RPH3AL: variants seen among roughly 807,000 people sequenced by gnomAD.
RPH3AL encodes rabphilin 3A like (without C2 domains).
RPH3AL carries 38 observed loss-of-function variants against 43.1 expected under a neutral mutation model. The observed-to-expected ratio is 0.88, with a 90% CI of 0.68 to 1.15. RPH3AL has a LOEUF of 1.15. RPH3AL is among the 50% of genes most tolerant of loss of function. The pLI, the probability that RPH3AL is intolerant of heterozygous loss-of-function variation, is 0.00. For synonymous variants in RPH3AL, 189 were observed against 176.3 expected (o/e 1.07, Z -0.57); for missense variants, 462 against 423.2 (o/e 1.09, Z -0.81).
intron 5 of RPH3AL, among the ~76,000 whole-genome samples, chr17:294,268 C>T (rs1227391141): frequency 6.8e-6 from 1 of 147,392 alleles, no homozygotes; most frequent in Non-Finnish European, 1.5e-5. Context: ...TCAAGACCAG[C>T]CTGGGCAACA....
chr17:282,057 C>T (rs936777881), intron 5 of RPH3AL, among the ~76,000 whole-genome samples: 1 of 152,156 alleles, frequency 6.6e-6, no homozygotes, highest in East Asian at 1.9e-4. Context: ...GCCCCATCCA[C>T]GGAACCCCCA....
Position 283,249 on chromosome 17 carries a change from G to A in RPH3AL, c.352-1395C>T, listed in dbSNP as rs1031879687. ...TCAGCAAGGAGCACGTCTCTCCATGGAGAGGGAAAATGTCACCAACTTGGC... is the reference window on the plus strand; with the variant it reads ...TCAGCAAGGAGCACGTCTCTCCATGAAGAGGGAAAATGTCACCAACTTGGC... On this transcript the variant is annotated intron_variant, in intron 5 of 9. Coordinates refer to ENST00000331302, the MANE Select transcript of RPH3AL (RefSeq NM_006987.4). The surrounding 1 kb of genome is among the most constrained non-coding windows in gnomAD (Gnocchi z 4.2). 6.6e-6 allele frequency among the ~76,000 whole-genome samples: 1 copy of A among 152,188 alleles called. No individual in the cohort carries two copies. Among genetic ancestry groups the A allele is most frequent in the Non-Finnish European group, 1.5e-5 (1 of 68,038 alleles).
chr17:253,041 G>T (rs1555543197), intron 6 of RPH3AL, among the ~76,000 whole-genome samples: 1 of 152,178 alleles, frequency 6.6e-6, no homozygotes, highest in East Asian at 1.9e-4. Context: ...TTTGGGGTGG[G>T]GACCTCGGCT....
chr17:277,293 T>C (rs1303508267), intron 6 of RPH3AL, among the ~76,000 whole-genome samples: 1 of 152,214 alleles, frequency 6.6e-6, no homozygotes, highest in Non-Finnish European at 1.5e-5. Context: ...GAAAAATGGT[T>C]GGAATATACT....
At chr17:350,288 C>T (rs2045327381) in intron 1 of RPH3AL, among the ~76,000 whole-genome samples, 1 of 152,108 alleles carries the variant, frequency 6.6e-6, no homozygotes, top group Admixed American at 6.5e-5. Flanking sequence ...ACCAGCCTGG[C>T]CAACATAGTT....
At chr17:331,883 T>A in intron 2 of RPH3AL, 1 of 1,288,652 alleles carries the variant, frequency 7.8e-7, no homozygotes, top group Non-Finnish European at 1.0e-6. Flanking sequence ...CCATTTGTCC[T>A]GGACAAAAAT....
intron 6 of RPH3AL, among the ~76,000 whole-genome samples, chr17:268,069 TA>T (rs1425112149): frequency 3.3e-5 from 5 of 152,148 alleles, no homozygotes; most frequent in Admixed American, 2.6e-4. Flanking sequence ...TTTTCTAGTT[TA>T]AAAAAACCTT....
chr17:325,669 A>G (rs1221306226), intron 3 of RPH3AL, among the ~76,000 whole-genome samples: 1 of 152,194 alleles, frequency 6.6e-6, no homozygotes, highest in African/African-American at 2.4e-5. Flanking sequence ...TACCTGGGTA[A>G]CTATTCAAAT....
Position 289,339 on chromosome 17 carries a change from A to G in RPH3AL, c.352-7485T>C, listed in dbSNP as rs562852739. Among the ~76,000 whole-genome samples, 1 of 152,250 alleles carries G rather than the reference A, an allele frequency of 6.6e-6. No individual in the cohort carries two copies. The highest frequency in any genetic ancestry group is 6.5e-5 in the Admixed American group (1 of 15,300). On this transcript the variant is annotated intron_variant, in intron 5 of 9. Coordinates refer to ENST00000331302, the MANE Select transcript of RPH3AL (RefSeq NM_006987.4). The surrounding 1 kb of genome is among the most constrained non-coding windows in gnomAD (Gnocchi z 5.2). ...TCACACAAGCCACAACCCAGCACTC[A>G]TCCTGGGCCCCCATCGTCCCTCCTT...
chr17:262,259 C>G (rs1370204229), intron 6 of RPH3AL, among the ~76,000 whole-genome samples: 1 of 152,096 alleles, frequency 6.6e-6, no homozygotes, highest in African/African-American at 2.4e-5. Context: ...CGCTCTGTCA[C>G]CCAGGCTGGA....
At chr17:299,392 G>C (rs943139760) in intron 5 of RPH3AL, among the ~76,000 whole-genome samples, 29 of 151,990 alleles carry the variant, frequency 1.9e-4, no homozygotes, top group Admixed American at 2.0e-4. Context: ...GGTAAGAGGA[G>C]AGTCTGGAAG....
At chr17:272,502 A>G (rs951185569) in intron 6 of RPH3AL, among the ~76,000 whole-genome samples, 1 of 150,192 alleles carries the variant, frequency 6.7e-6, no homozygotes. Context: ...AACTATCGCA[A>G]GGACAGAAAA....
At chr17:220,130 C>T (rs1451806748) in intron 7 of RPH3AL, among the ~76,000 whole-genome samples, 1 of 152,130 alleles carries the variant, frequency 6.6e-6, no homozygotes, top group African/African-American at 2.4e-5. Context: ...AGACAATAGA[C>T]CCAAGAACAA....
At chr17:352,236 A>G (rs1357785808) in intron 1 of RPH3AL, among the ~76,000 whole-genome samples, 1 of 152,106 alleles carries the variant, frequency 6.6e-6, no homozygotes, top group Non-Finnish European at 1.5e-5. Flanking sequence ...ACGCAATACA[A>G]ACAGCTCTCC....
At chr17:219,843 A>C in intron 7 of RPH3AL, 107 bp from the exon 8 acceptor site, 1 of 766,932 alleles carries the variant, frequency 1.3e-6, no homozygotes, top group Non-Finnish European at 2.3e-6. Context: ...CACGTGGCGT[A>C]GCAGCTCAGC....
chr17:302,476 G>C (rs2043352889), intron 5 of RPH3AL, among the ~76,000 whole-genome samples: 1 of 152,244 alleles, frequency 6.6e-6, no homozygotes, highest in Non-Finnish European at 1.5e-5. Context: ...GACGTGGGCA[G>C]GTGTGTCTGT....
rs537305864 is a variant in RPH3AL at position 333,043 on chromosome 17, C to T, written c.-37+716G>A. The T allele has an allele frequency of 1.0e-5, 13 of 1,289,166 alleles. No homozygotes were observed. Among genetic ancestry groups the T allele is most frequent in the South Asian group, 2.5e-5 (2 of 81,022 alleles). The allele number at this position is 1,289,166 out of a possible 1,614,324, so 79.9% of individuals were successfully genotyped here. A position where few individuals can be genotyped will look rare whatever the true frequency, so the allele number is the denominator to read the frequency against. On this transcript the variant is annotated intron_variant, in intron 2 of 9. Transcript: ENST00000331302. The surrounding 1 kb of genome is among the most constrained non-coding windows in gnomAD (Gnocchi z 4.5). ...TCCTGAGACAGATCGGTAAAAACAA[C>T]CCCTTCTTCCAGGAGGATGCAATTC...
rs568315677 is a variant in RPH3AL at position 327,346 on chromosome 17, C to T, written c.77+121G>A. On this transcript the variant is annotated intron_variant, in intron 3 of 9. Transcript: ENST00000331302. The stretch of plus-strand genomic sequence containing the variant: ...CAGGGCCTGGAGTGTGGCATGCATC[C>T]GACAGGCACCTCTCTCCAAACATCT... 66 of 859,640 alleles carry T rather than the reference C, an allele frequency of 7.7e-5. No homozygotes were observed. In the South Asian group the frequency reaches 8.6e-4, roughly 11 times the overall value. The allele number at this position is 859,640 out of a possible 1,614,324, so 53.3% of individuals were successfully genotyped here. A position where few individuals can be genotyped will look rare whatever the true frequency, so the allele number is the denominator to read the frequency against.
At chr17:292,313 C>T (rs576836181) in intron 5 of RPH3AL, among the ~76,000 whole-genome samples, 42 of 152,342 alleles carry the variant, frequency 2.8e-4, no homozygotes, top group African/African-American at 9.4e-4. Context: ...TTGCTATAGA[C>T]GCTGTCTGGA....
Sources: allele counts gnomAD v4.1 joint callset (sites outside exome capture counted in the v4.1 genomes callset), GRCh38; gene constraint gnomAD v4.1.1; non-coding constraint Gnocchi (gnomAD v3.1); transcripts MANE v1.5; gene names NCBI Gene and HGNC (gene_info 2026-07-23, HGNC 2026-07-21).